TDRD12: variants seen among roughly 807,000 people sequenced by gnomAD.
TDRD12 encodes putative ATP-dependent RNA helicase TDRD12.
A neutral mutation model predicts 133.5 loss-of-function variants in TDRD12; 158 were observed. The observed-to-expected ratio is 1.18, with a 90% CI of 1.04 to 1.35. The LOEUF (loss-of-function observed/expected upper bound fraction) is 1.35, where lower values mean the gene tolerates loss of function less well. TDRD12 is among the 40% of genes most tolerant of loss of function. The pLI is 0.00. For missense variants in TDRD12, 1,443 were observed against 1,321.3 expected (o/e 1.09, Z -1.43); for synonymous variants, 460 against 477.9 (o/e 0.96, Z 0.49).
At chr19:32,761,950 T>C (rs1281965035) in intron 8 of TDRD12, among the ~76,000 whole-genome samples, 1 of 151,958 alleles carries the variant, frequency 6.6e-6, no homozygotes, top group Non-Finnish European at 1.5e-5. Context: ...ATGATCCGAC[T>C]GCCTCGGCCT....
intron 13 of TDRD12, among the ~76,000 whole-genome samples, chr19:32,791,607 G>A (rs1315342874): frequency 6.6e-6 from 1 of 152,186 alleles, no homozygotes; most frequent in African/African-American, 2.4e-5. Context: ...GAGACAGAGT[G>A]TGGCTGCCTC....
rs1262288200 is a variant in TDRD12, at chr19:32,827,131, A to G, written c.1050-33A>G. The stretch of plus-strand genomic sequence containing the variant: ...GAAATAAAGATTTGCTGATTAGTCT[A>G]CACTTATTTGTTATAATATCTTACT... On this transcript the variant is annotated intron_variant, in intron 9 of 9. Coordinates refer to the TDRD12 transcript ENST00000637289. The G allele has an allele frequency of 2.6e-6, 3 of 1,143,910 alleles. No individual in the cohort carries two copies. The African/African-American group carries it at 4.8e-5, about 18-fold the overall frequency. The allele number at this position is 1,143,910 out of a possible 1,614,324, so 70.9% of individuals were successfully genotyped here.
At chr19:32,745,443 T>G (rs763939469) in intron 4 of TDRD12, among the ~76,000 whole-genome samples, 3 of 152,212 alleles carry the variant, frequency 2.0e-5, no homozygotes, top group Non-Finnish European at 4.4e-5. Flanking sequence ...AAATTCCCCT[T>G]CAAAAAGACT....
exon 11 of TDRD12, chr19:32,777,208 A>T: frequency 6.5e-7 from 1 of 1,542,496 alleles, no homozygotes; most frequent in Non-Finnish European, 8.7e-7. Flanking sequence ...AAAGAATATG[A>T]TGAGAAGAAT....
At chr19:32,792,246 A>G (rs1164496261) in intron 13 of TDRD12, among the ~76,000 whole-genome samples, 2 of 146,736 alleles carry the variant, frequency 1.4e-5, no homozygotes, top group Non-Finnish European at 3.0e-5. Context: ...ACTCCGTCTC[A>G]AAAAAAAAAA....
chr19:32,720,852 CG>C (rs1174144052), intron 1 of TDRD12, among the ~76,000 whole-genome samples: 1 of 140,870 alleles, frequency 7.1e-6, no homozygotes, highest in Non-Finnish European at 1.6e-5. Flanking sequence ...GGGGGCACCC[CG>C]GGCTGGGAGC....
Position 32,810,498 on chromosome 19 carries a change from G to A in TDRD12, c.2837+221G>A, listed in dbSNP as rs376705846. Among the ~76,000 whole-genome samples, 30 of 152,306 alleles carry A rather than the reference G, an allele frequency of 2.0e-4. 1 individual carries two copies. The highest frequency in any genetic ancestry group is 5.1e-4 in the African/African-American group (21 of 41,572). On this transcript the variant is annotated intron_variant, in intron 23 of 27. Transcript: ENST00000444215. ...GACCCATTGAGCCATCACTGCGTGC[G>A]ACATACACATACATCTTTAACTCAC...
intron 8 of TDRD12, among the ~76,000 whole-genome samples, chr19:32,766,202 T>C (rs1970291426): frequency 6.6e-6 from 1 of 152,220 alleles, no homozygotes; most frequent in Non-Finnish European, 1.5e-5. Context: ...TCATTTCTAT[T>C]TAGTGCTATT....
At chr19:32,720,963 C>T (rs1968638030) in intron 1 of TDRD12, among the ~76,000 whole-genome samples, 1 of 151,768 alleles carries the variant, frequency 6.6e-6, no homozygotes, top group Non-Finnish European at 1.5e-5. Context: ...AATGCTCGAT[C>T]ACCCGGGCCA....
At chr19:32,739,101 G>A in intron 3 of TDRD12, 109 bp downstream of exon 3, 1 of 1,316,170 alleles carries the variant, frequency 7.6e-7, no homozygotes, top group African/African-American at 1.5e-5. Context: ...ACTGAGAAAA[G>A]ACAAAACTGG....
chr19:32,789,008 T>A (rs1970990137), intron 11 of TDRD12, among the ~76,000 whole-genome samples: 1 of 152,138 alleles, frequency 6.6e-6, no homozygotes, highest in African/African-American at 2.4e-5. Context: ...CAGCCCCGAG[T>A]CCTGAGAGTT....
Position 32,754,427 on chromosome 19 carries a change from T to C in TDRD12, c.583-1565T>C, listed in dbSNP as rs1410156356. On this transcript the variant is annotated intron_variant, in intron 6 of 27. Coordinates refer to ENST00000444215, the Ensembl canonical transcript of TDRD12. ...GAGAGCCAAGATCACACCACTGCAC[T>C]CCAGTCTGGGTGACAGAGCAAGACC... is the stretch of plus-strand genomic sequence containing the variant. Among the ~76,000 whole-genome samples, 4 of 152,016 alleles carry C rather than the reference T, an allele frequency of 2.6e-5. No homozygotes were observed. In the East Asian group the frequency reaches 7.7e-4, roughly 29 times the overall value.
intron 21 of TDRD12, among the ~76,000 whole-genome samples, chr19:32,807,275 A>G (rs1971579446): frequency 9.0e-6 from 1 of 111,522 alleles, no homozygotes; most frequent in Non-Finnish European, 2.2e-5. Flanking sequence ...CTTAAAAAAA[A>G]AAAAAAAAAA....
chr19:32,732,448 G>C (rs1969087788), intron 2 of TDRD12, among the ~76,000 whole-genome samples: 1 of 152,240 alleles, frequency 6.6e-6, no homozygotes, highest in Admixed American at 6.5e-5. Flanking sequence ...TGGGAACCAG[G>C]GGGTTATTTG....
At chr19:32,802,088 T>G (rs1971404873) in intron 19 of TDRD12, among the ~76,000 whole-genome samples, 1 of 149,710 alleles carries the variant, frequency 6.7e-6, no homozygotes, top group Non-Finnish European at 1.5e-5. Flanking sequence ...CCACCATTAG[T>G]CTAGACATTC....
At chr19:32,771,687 C>T (rs1053710683) in intron 8 of TDRD12, among the ~76,000 whole-genome samples, 14 of 151,406 alleles carry the variant, frequency 9.2e-5, no homozygotes, top group African/African-American at 1.7e-4. Flanking sequence ...TCTCTCTTGG[C>T]GAATTTTAAC....
At chr19:32,776,222 A>C (rs1411138150) in intron 10 of TDRD12, among the ~76,000 whole-genome samples, 1 of 152,212 alleles carries the variant, frequency 6.6e-6, no homozygotes, top group African/African-American at 2.4e-5. Flanking sequence ...GTGTGCAGTA[A>C]TGTGGAATTG....
rs761941181 is a variant in TDRD12 at position 32,797,858 on chromosome 19, G to A, written c.1597G>A (p.Glu533Lys). The A allele has an allele frequency of 1.6e-5, 11 of 700,682 alleles. No individual in the cohort carries two copies. The South Asian group carries it at 1.6e-4, about 10-fold the overall frequency. The allele number at this position is 700,682 out of a possible 1,614,324, so 43.4% of individuals were successfully genotyped here. The change falls in exon 15 of 28, where the codon GAG becomes AAG. Residue 533 changes from glutamate to lysine, a missense_variant. Physicochemically the swap from Glu to Lys is moderately conservative, Grantham distance 56. Coordinates refer to ENST00000444215, the Ensembl canonical transcript of TDRD12. The stretch of plus-strand genomic sequence containing the variant: ...GCTATTAACAATTGGGCTCCATAAA[G>A]AGGAAGCCAAAAATACAAAGCTTCC...
intron 2 of TDRD12, among the ~76,000 whole-genome samples, chr19:32,734,905 T>G (rs1969180273): frequency 6.6e-6 from 1 of 152,154 alleles, no homozygotes; most frequent in Non-Finnish European, 1.5e-5. Flanking sequence ...GCCAGTGATC[T>G]TTGAGGTTAG....
Sources: gnomAD v4.1 joint callset for allele counts (sites outside exome capture counted in the v4.1 genomes callset) on GRCh38, gnomAD v4.1.1 for gene constraint, MANE v1.5 for transcripts, NCBI Gene and HGNC (gene_info 2026-07-23, HGNC 2026-07-21) for gene names.